PTPRT: variants seen among roughly 807,000 people sequenced by gnomAD.
PTPRT encodes the protein receptor-type tyrosine-protein phosphatase T.
In PTPRT, 56 loss-of-function variants were observed where a neutral mutation model predicts 176.8. That is an observed-to-expected ratio of 0.32 (90% CI 0.26 to 0.40). The LOEUF (loss-of-function observed/expected upper bound fraction) is 0.40, where lower values mean the gene tolerates loss of function less well. Among genes scored for constraint, PTPRT ranks in the 10% least tolerant of loss-of-function variants. The pLI, the probability that PTPRT is intolerant of heterozygous loss-of-function variation, is 1.00. For missense variants in PTPRT, 1,540 were observed against 1,908.2 expected (o/e 0.81, Z 3.60); for synonymous variants, 783 against 739.0 (o/e 1.06, Z -0.96).
At chr20:43,127,404 C>G (rs2013486508) in intron 1 of PTPRT, among the ~76,000 whole-genome samples, 1 of 139,154 alleles carries the variant, frequency 7.2e-6, no homozygotes, top group Admixed American at 7.8e-5. Context: ...GCCTGGGCAA[C>G]AGAGCGAGAC....
chr20:42,653,841 T>G (rs1332780227), intron 7 of PTPRT, among the ~76,000 whole-genome samples: 1 of 152,212 alleles, frequency 6.6e-6, no homozygotes, highest in Admixed American at 6.5e-5. Context: ...TGAAATTTTT[T>G]GAACAGTAAA....
At chr20:42,964,805 TAA>T (rs944703713) in intron 1 of PTPRT, among the ~76,000 whole-genome samples, 2 of 152,206 alleles carry the variant, frequency 1.3e-5, no homozygotes, top group Non-Finnish European at 2.9e-5. Flanking sequence ...ACCATGAGGC[TAA>T]AGTTTGAACA....
intron 7 of PTPRT, among the ~76,000 whole-genome samples, chr20:42,538,053 C>T (rs2072507924): frequency 1.3e-5 from 2 of 151,802 alleles, no homozygotes; most frequent in African/African-American, 4.8e-5. Flanking sequence ...ATTTAATTCT[C>T]ATAATATCCC....
intron 8 of PTPRT, among the ~76,000 whole-genome samples, chr20:42,453,575 C>G (rs745346158): frequency 2.6e-5 from 4 of 151,840 alleles, no homozygotes; most frequent in Admixed American, 6.6e-5. Context: ...ATGCCCATCA[C>G]TATTGTCTCC....
chr20:42,442,508 C>T (rs192598144), intron 9 of PTPRT, among the ~76,000 whole-genome samples: 1 of 152,340 alleles, frequency 6.6e-6, no homozygotes, highest in East Asian at 1.9e-4. Context: ...ATAATCAAGA[C>T]ACCCATTCCT....
intron 7 of PTPRT, among the ~76,000 whole-genome samples, chr20:42,631,344 A>T (rs2145889664): frequency 6.6e-6 from 1 of 152,290 alleles, no homozygotes; most frequent in African/African-American, 2.4e-5. Flanking sequence ...AATGTTCCTG[A>T]AGACTTAAAT....
At chr20:42,976,555 A>C (rs1982968259) in intron 1 of PTPRT, among the ~76,000 whole-genome samples, 1 of 151,866 alleles carries the variant, frequency 6.6e-6, no homozygotes, top group Non-Finnish European at 1.5e-5. Context: ...ATAGGCACCC[A>C]CCACCACACC....
chr20:42,965,464 C>T (rs1319386011), intron 1 of PTPRT, among the ~76,000 whole-genome samples: 3 of 152,106 alleles, frequency 2.0e-5, no homozygotes, highest in Non-Finnish European at 1.5e-5. Context: ...TGAAGATAAC[C>T]TTTGTTTTTA....
chr20:42,050,080 A>G, the PTPRT span, among the ~76,000 whole-genome samples: 1 of 152,220 alleles, frequency 6.6e-6, no homozygotes, highest in Non-Finnish European at 1.5e-5. Flanking sequence ...GGATGCTTGC[A>G]TGCACAGCTT....
At chr20:43,116,671 C>G (rs2013070875) in intron 1 of PTPRT, among the ~76,000 whole-genome samples, 1 of 152,202 alleles carries the variant, frequency 6.6e-6, no homozygotes. Flanking sequence ...CTAGGCTTAC[C>G]ACTATCACCA....
In PTPRT at chr20:42,215,154, G is replaced by C. The variant is rs181679327; in HGVS notation, c.2343-15766C>G. ...ACCAGAATTCATGGTTCAGACAATG[G>C]GAGCTTCCCTGAATGAATGCTGTCT... On this transcript the variant is annotated intron_variant, in intron 15 of 30. Transcript: ENST00000373187. 5.5e-3 allele frequency among the ~76,000 whole-genome samples: 831 copies of C among 152,236 alleles called. 8 individuals carry two copies. Among genetic ancestry groups the C allele is most frequent in the African/African-American group, 0.019 (789 of 41,536 alleles).
At chr20:42,981,701 G>A (rs1298678155) in intron 1 of PTPRT, among the ~76,000 whole-genome samples, 3 of 152,248 alleles carry the variant, frequency 2.0e-5, no homozygotes, top group Non-Finnish European at 2.9e-5. Flanking sequence ...AAGCTGGCCA[G>A]AGAAGAATAA....
intron 2 of PTPRT, among the ~76,000 whole-genome samples, chr20:42,796,442 A>C (rs1376656693): frequency 6.6e-6 from 1 of 152,240 alleles, no homozygotes; most frequent in Non-Finnish European, 1.5e-5. Flanking sequence ...GAACTTAACT[A>C]ACCCAACCTA....
rs549043682 is a variant in PTPRT at position 42,228,330 on chromosome 20, C to A, written c.2342+7899G>T. The stretch of plus-strand genomic sequence containing the variant: ...ATTTTTCCTGATTAAAGTGACAGAG[C>A]CTCTGACTTACAGATTTGCTCTGTT... On this transcript the variant is annotated intron_variant, in intron 15 of 30. Transcript: ENST00000373187. Among the ~76,000 whole-genome samples, 4 of 152,274 alleles carry A rather than the reference C, an allele frequency of 2.6e-5. No homozygotes were observed. The East Asian group carries it at 5.8e-4, about 22-fold the overall frequency.
chr20:43,013,876 C>T (rs970124076), intron 1 of PTPRT, among the ~76,000 whole-genome samples: 31 of 152,138 alleles, frequency 2.0e-4, no homozygotes, highest in African/African-American at 7.5e-4. Context: ...TGGGCAAGTT[C>T]CTTAAGCACT....
the PTPRT span, among the ~76,000 whole-genome samples, chr20:42,057,408 T>G: frequency 6.6e-6 from 1 of 152,080 alleles, no homozygotes; most frequent in African/African-American, 2.4e-5. Context: ...GAACGGATTG[T>G]GAGAAGGGAG....
At chr20:42,544,608 G>T (rs6072785) in intron 7 of PTPRT, among the ~76,000 whole-genome samples, 1 of 151,862 alleles carries the variant, frequency 6.6e-6, no homozygotes, top group Non-Finnish European at 1.5e-5. Context: ...TTTGGGTAGA[G>T]GGGACATTTA....
chr20:43,002,939 G>T (rs998188827), intron 1 of PTPRT, among the ~76,000 whole-genome samples: 1 of 149,530 alleles, frequency 6.7e-6, no homozygotes, highest in Admixed American at 6.7e-5. Context: ...TTGAGAAAAA[G>T]AAAATAAACT....
chr20:42,106,295 C>T (rs190350916), intron 24 of PTPRT, among the ~76,000 whole-genome samples: 1 of 152,324 alleles, frequency 6.6e-6, no homozygotes, highest in East Asian at 1.9e-4. Context: ...AGGTCTGCTT[C>T]TCCCTTGAGG....
Sources: gnomAD v4.1 joint callset for allele counts (sites outside exome capture counted in the v4.1 genomes callset) on GRCh38, gnomAD v4.1.1 for gene constraint, MANE v1.5 for transcripts, NCBI Gene and HGNC (gene_info 2026-07-23, HGNC 2026-07-21) for gene names.